Variants in SLC24A2 observed in about 807,000 individuals in gnomAD.
SLC24A2 encodes the protein sodium/potassium/calcium exchanger 2.
Under a neutral mutation model 62.0 loss-of-function variants are expected in SLC24A2, and 36 were observed. The ratio of observed to expected loss-of-function variants is 0.58; its 90% CI spans 0.44 to 0.77. SLC24A2 has a LOEUF of 0.77. Ranked by LOEUF, SLC24A2 falls within the 30% of genes least tolerant of loss-of-function variation. The probability of loss-of-function intolerance (pLI) is 0.00; values close to 1 mark genes in which losing one functional copy is unlikely to be tolerated. For synonymous variants in SLC24A2, 358 were observed against 294.0 expected, an observed-to-expected ratio of 1.22 and a Z score of -2.23; for missense variants, 846 against 817.9, an observed-to-expected ratio of 1.03 and a Z score of -0.42.
the SLC24A2 span, among the ~76,000 whole-genome samples, chr9:20,275,179 CAT>C: frequency 2.6e-5 from 4 of 152,074 alleles, no homozygotes; most frequent in Non-Finnish European, 5.9e-5. Context: ...TAAAAGTAAA[CAT>C]AGACATAGAG....
chr9:19,728,878 G>C (rs1821252465), intron 2 of SLC24A2, among the ~76,000 whole-genome samples: 1 of 152,068 alleles, frequency 6.6e-6, no homozygotes, highest in Non-Finnish European at 1.5e-5. Flanking sequence ...AAAAAGCCAA[G>C]CAGCACACCA....
chr9:19,615,994 GCACACACACACACACACACACA>G (rs3220155), intron 4 of SLC24A2, among the ~76,000 whole-genome samples: 3 of 140,904 alleles, frequency 2.1e-5, no homozygotes, highest in South Asian at 2.4e-4. Context: ...TCACAGGCGT[GCACACACACACACACACACACA>G]CACACACACA....
chr9:20,222,704 GTACAGAT>G, the SLC24A2 span, among the ~76,000 whole-genome samples: 1 of 152,170 alleles, frequency 6.6e-6, no homozygotes, highest in South Asian at 2.1e-4. Flanking sequence ...TACCCCTTAA[GTACAGAT>G]TAAAGGAGAT....
chr9:19,897,369 C>T, the SLC24A2 span, among the ~76,000 whole-genome samples: 3 of 151,970 alleles, frequency 2.0e-5, no homozygotes, highest in Non-Finnish European at 2.9e-5. Context: ...AATTCCTTGC[C>T]TATGAAAGTT....
the SLC24A2 span, among the ~76,000 whole-genome samples, chr9:20,153,570 G>T: frequency 2.6e-5 from 4 of 151,744 alleles, no homozygotes; most frequent in African/African-American, 9.7e-5. Context: ...AAAATGAAGG[G>T]ACATCATCTT....
chr9:19,856,926 T>A, the SLC24A2 span, among the ~76,000 whole-genome samples: 2 of 152,214 alleles, frequency 1.3e-5, no homozygotes, highest in Admixed American at 6.5e-5. Context: ...AAAGACTAAG[T>A]CCACTGAGCC....
At chr9:20,263,394 G>T in the SLC24A2 span, among the ~76,000 whole-genome samples, 2 of 152,152 alleles carry the variant, frequency 1.3e-5, no homozygotes, top group Non-Finnish European at 2.9e-5. Flanking sequence ...TGGGACCACA[G>T]GTGTGCACCA....
chr9:19,661,982 C>T (rs1295085307), intron 2 of SLC24A2, among the ~76,000 whole-genome samples: 1 of 152,192 alleles, frequency 6.6e-6, no homozygotes, highest in African/African-American at 2.4e-5. Flanking sequence ...AATCCTTCAC[C>T]TTTATGTGCA....
chr9:20,053,560 C>T, the SLC24A2 span, among the ~76,000 whole-genome samples: 1 of 152,122 alleles, frequency 6.6e-6, no homozygotes, highest in African/African-American at 2.4e-5. Context: ...AAACCAAAAT[C>T]CCAATGTGAT....
At chr9:19,552,806 CAA>C (rs1218697171) in intron 7 of SLC24A2, among the ~76,000 whole-genome samples, 2 of 152,204 alleles carry the variant, frequency 1.3e-5, no homozygotes, top group Non-Finnish European at 2.9e-5. Flanking sequence ...CTCCATCTGC[CAA>C]AGTCACCAGG....
the SLC24A2 span, among the ~76,000 whole-genome samples, chr9:20,022,203 T>G: frequency 2.0e-5 from 3 of 152,196 alleles, no homozygotes; most frequent in African/African-American, 7.2e-5. Context: ...CTTGTATCTT[T>G]TAAATTTTCT....
the SLC24A2 span, among the ~76,000 whole-genome samples, chr9:19,871,952 T>C: frequency 6.6e-6 from 1 of 152,176 alleles, no homozygotes; most frequent in Non-Finnish European, 1.5e-5. Context: ...AGACTTTTTT[T>C]TTGTGGTCTT....
the SLC24A2 span, among the ~76,000 whole-genome samples, chr9:19,852,033 T>C: frequency 6.6e-6 from 1 of 152,218 alleles, no homozygotes; most frequent in Non-Finnish European, 1.5e-5. Flanking sequence ...CTGGCTGGCA[T>C]AAGATAGTAT....
At chr9:19,657,909 C>T (rs1422274982) in intron 2 of SLC24A2, among the ~76,000 whole-genome samples, 1 of 152,024 alleles carries the variant, frequency 6.6e-6, no homozygotes, top group Non-Finnish European at 1.5e-5. Context: ...AAAAAAATTT[C>T]TGTAGAGATG....
At chr9:19,818,409 A>G in the SLC24A2 span, among the ~76,000 whole-genome samples, 4 of 152,072 alleles carry the variant, frequency 2.6e-5, no homozygotes, top group Non-Finnish European at 5.9e-5. Flanking sequence ...GGACTTCACA[A>G]ACTCTCACTG....
At chr9:19,646,121 T>C (rs1387174039) in intron 2 of SLC24A2, among the ~76,000 whole-genome samples, 1 of 152,202 alleles carries the variant, frequency 6.6e-6, no homozygotes, top group Non-Finnish European at 1.5e-5. Flanking sequence ...TCAAAGCAAC[T>C]TACTCTAGGC....
chr9:19,843,267 C>T, the SLC24A2 span, among the ~76,000 whole-genome samples: 1 of 152,148 alleles, frequency 6.6e-6, no homozygotes. Flanking sequence ...TTTGGGAGGC[C>T]AAGGTGGGTG....
chr9:20,155,141 A>G, the SLC24A2 span, among the ~76,000 whole-genome samples: 1 of 149,426 alleles, frequency 6.7e-6, no homozygotes, highest in African/African-American at 2.4e-5. Flanking sequence ...AAAAAAAAAA[A>G]GAAAAAGAAA....
At chr9:20,124,970 A>T in the SLC24A2 span, among the ~76,000 whole-genome samples, 1 of 152,186 alleles carries the variant, frequency 6.6e-6, no homozygotes, top group Non-Finnish European at 1.5e-5. Flanking sequence ...GAGCATGGAC[A>T]AACAATAGAT....
Sources: gnomAD v4.1 joint callset for allele counts (sites outside exome capture counted in the v4.1 genomes callset) on GRCh38, gnomAD v4.1.1 for gene constraint, MANE v1.5 for transcripts, NCBI Gene and HGNC (gene_info 2026-07-23, HGNC 2026-07-21) for gene names.